CCDC170: variants seen among roughly 807,000 people sequenced by gnomAD.
CCDC170 encodes the protein coiled-coil domain containing 170.
A neutral mutation model predicts 72.6 loss-of-function variants in CCDC170; 69 were observed. The ratio of observed to expected loss-of-function variants is 0.95; its 90% CI spans 0.78 to 1.16. The LOEUF is 1.16. Ranked by LOEUF, CCDC170 falls within the 50% of genes most tolerant of loss-of-function variation. CCDC170 has a pLI of 0.00. For missense variants in CCDC170, 852 were observed against 832.5 expected (o/e 1.02, Z -0.29); for synonymous variants, 300 against 303.9 (o/e 0.99, Z 0.13).
intron 9 of CCDC170, among the ~76,000 whole-genome samples, chr6:151,597,676 G>C (rs1197364274): frequency 6.6e-6 from 1 of 152,186 alleles, no homozygotes; most frequent in Non-Finnish European, 1.5e-5. Flanking sequence ...CTATATTCAA[G>C]GTGTTCAACT....
In CCDC170 at chr6:151,525,068, G is replaced by T. The variant is rs1271843973; in HGVS notation, c.58-11250G>T. ...CTGCTTCAGCCTCCCTAGTGGCTGG[G>T]ACTATAGGTGCCCGCCACTGCACCC... On this transcript the variant is annotated intron_variant, in intron 1 of 10. Coordinates refer to ENST00000239374, the MANE Select transcript of CCDC170 (RefSeq NM_025059.4). Among the ~76,000 whole-genome samples, 3 of 151,730 alleles carry T rather than the reference G, an allele frequency of 2.0e-5. No homozygotes were observed. The East Asian group carries it at 5.8e-4, about 29-fold the overall frequency.
At chr6:151,514,211 C>T (rs74951045) in intron 1 of CCDC170, among the ~76,000 whole-genome samples, 12,611 of 150,018 alleles carry the variant, frequency 0.084, 643 homozygotes, top group Middle Eastern at 0.17. Context: ...TGAGATAAGA[C>T]GATAACTTGA....
chr6:151,533,455 G>C (rs940472400), intron 1 of CCDC170, among the ~76,000 whole-genome samples: 5 of 151,764 alleles, frequency 3.3e-5, no homozygotes, highest in African/African-American at 1.2e-4. Context: ...ATCACCTGAG[G>C]TTGGGAGTCC....
At chr6:151,617,867 T>G (rs1390734496) in intron 10 of CCDC170, 80 bp from the exon 11 acceptor site, 3 of 1,411,260 alleles carry the variant, frequency 2.1e-6, no homozygotes, top group Non-Finnish European at 2.9e-6. Flanking sequence ...TTCTACAGGT[T>G]TTTTGTTTGT....
At chr6:151,609,935 C>T (rs1776843493) in intron 9 of CCDC170, among the ~76,000 whole-genome samples, 3 of 152,236 alleles carry the variant, frequency 2.0e-5, no homozygotes, top group Admixed American at 2.0e-4. Context: ...TCATGAGCTT[C>T]TAGACCTCCA....
intron 5 of CCDC170, among the ~76,000 whole-genome samples, chr6:151,557,847 C>G (rs1783007778): frequency 6.6e-6 from 1 of 152,124 alleles, no homozygotes; most frequent in South Asian, 2.1e-4. Flanking sequence ...GGGACAAATC[C>G]CAGCACTTTG....
intron 1 of CCDC170, among the ~76,000 whole-genome samples, chr6:151,535,284 C>T (rs1782557512): frequency 2.0e-5 from 3 of 152,146 alleles, no homozygotes; most frequent in African/African-American, 7.2e-5. Context: ...AGTGGTTTGG[C>T]CAGGCTGGAA....
intron 3 of CCDC170, 149 bp from the exon 4 acceptor site, chr6:151,544,423 C>A (rs1782740499): frequency 2.6e-6 from 2 of 776,878 alleles, no homozygotes; most frequent in South Asian, 4.4e-5. Flanking sequence ...TATAGGGCTT[C>A]TGTGACAATA....
chr6:151,585,210 G>A (rs1318936624), intron 6 of CCDC170, among the ~76,000 whole-genome samples: 1 of 152,072 alleles, frequency 6.6e-6, no homozygotes, highest in East Asian at 1.9e-4. Context: ...GAGCCTGGAG[G>A]GACTTTAACA....
At chr6:151,497,039 A>G (rs759906047) in intron 1 of CCDC170, among the ~76,000 whole-genome samples, 1 of 152,240 alleles carries the variant, frequency 6.6e-6, no homozygotes, top group Non-Finnish European at 1.5e-5. Context: ...TTCAGCCACC[A>G]TCTCAATAGT....
At chr6:151,513,835 G>A (rs528502422) in intron 1 of CCDC170, among the ~76,000 whole-genome samples, 1 of 148,058 alleles carries the variant, frequency 6.8e-6, no homozygotes, top group African/African-American at 2.5e-5. Flanking sequence ...CAGGAGAATC[G>A]CTTGAGCCTG....
At chr6:151,495,587 C>T (rs1427858414) in intron 1 of CCDC170, among the ~76,000 whole-genome samples, 2 of 151,996 alleles carry the variant, frequency 1.3e-5, no homozygotes, top group Admixed American at 6.6e-5. Flanking sequence ...GCCTTGACAC[C>T]CCTGGGTTCA....
intron 5 of CCDC170, among the ~76,000 whole-genome samples, chr6:151,550,949 G>A (rs1782867945): frequency 6.6e-6 from 1 of 152,054 alleles, no homozygotes; most frequent in African/African-American, 2.4e-5. Flanking sequence ...TGAATTTTGG[G>A]GAAGATACAA....
At position 151,610,868 on chromosome 6, in the gene CCDC170, A is replaced by G. The variant is rs566188630; in HGVS notation, c.1711-4575A>G. 2.0e-5 allele frequency among the ~76,000 whole-genome samples: 3 copies of G among 152,316 alleles called. No individual in the cohort carries two copies. In the South Asian group the frequency reaches 6.2e-4, roughly 32 times the overall value. On this transcript the variant is annotated intron_variant, in intron 9 of 10. Coordinates refer to ENST00000239374, the MANE Select transcript of CCDC170 (RefSeq NM_025059.4). Reference sequence around the variant, plus strand: ...ATTTTCTGCATAGTTCTGAAGCTGCAGCAGTTGTTCTTATGCCTTCTTGAT... The same window carrying G: ...ATTTTCTGCATAGTTCTGAAGCTGCGGCAGTTGTTCTTATGCCTTCTTGAT...
chr6:151,567,997 C>T (rs537009722), intron 5 of CCDC170, among the ~76,000 whole-genome samples: 1 of 147,742 alleles, frequency 6.8e-6, no homozygotes, highest in African/African-American at 2.5e-5. Context: ...TGTACCCCAG[C>T]TACTCGGTAG....
At position 151,548,319 on chromosome 6, in the gene CCDC170, A is replaced by T; in HGVS notation, c.604A>T (p.Lys202Ter). The change falls in exon 5 of 11, where the codon AAA becomes TAA. Residue 202 changes from lysine to a stop codon, truncating the protein, a stop_gained. Transcript: ENST00000239374. LOFTEE classifies it high-confidence loss of function. ...TTCTCTTCAGCTTAGAGACCTGCGC[A>T]AAGAAAATGAATTCGTGAAAGGACA... ...DLILKLRDLR[K>*]ENEFVKGQIV... is the part of the protein sequence containing the mutation. The T allele has an allele frequency of 6.3e-7, 1 of 1,591,318 alleles. No homozygotes were observed. Among genetic ancestry groups the T allele is most frequent in the African/African-American group, 1.4e-5 (1 of 73,972 alleles).
chr6:151,602,391 C>A (rs1776722553), intron 9 of CCDC170, among the ~76,000 whole-genome samples: 1 of 151,842 alleles, frequency 6.6e-6, no homozygotes, highest in Non-Finnish European at 1.5e-5. Context: ...CATATCAGTT[C>A]AAAAATCAAA....
chr6:151,500,703 A>T (rs1345362941), intron 1 of CCDC170, among the ~76,000 whole-genome samples: 1 of 152,158 alleles, frequency 6.6e-6, no homozygotes, highest in Non-Finnish European at 1.5e-5. Flanking sequence ...CTAAATAATG[A>T]TAAAAATTTC....
chr6:151,609,843 T>C (rs981015007), intron 9 of CCDC170, among the ~76,000 whole-genome samples: 1 of 152,214 alleles, frequency 6.6e-6, no homozygotes, highest in Admixed American at 6.5e-5. Context: ...GGAACAAAGA[T>C]TGAGGCAGCC....
Sources: gnomAD v4.1 joint callset for allele counts (sites outside exome capture counted in the v4.1 genomes callset) on GRCh38, gnomAD v4.1.1 for gene constraint, MANE v1.5 for transcripts, NCBI Gene and HGNC (gene_info 2026-07-23, HGNC 2026-07-21) for gene names.